Variants in RAB38 observed in about 807,000 individuals in gnomAD.
RAB38 encodes ras-related protein Rab-38.
In RAB38, 15 loss-of-function variants were observed where a neutral mutation model predicts 18.4. That is an observed-to-expected ratio of 0.82 (90% CI 0.55 to 1.26). The LOEUF is 1.26. Among genes scored for constraint, RAB38 ranks in the 50% most tolerant of loss-of-function variants. The probability of loss-of-function intolerance (pLI) is 0.00; values close to 1 mark genes in which losing one functional copy is unlikely to be tolerated. For synonymous variants in RAB38, 101 were observed against 104.4 expected, an observed-to-expected ratio of 0.97 and a Z score of 0.20; for missense variants, 294 against 267.4, an observed-to-expected ratio of 1.10 and a Z score of -0.69.
chr11:87,805,732 CACACATACATATAT>C, the RAB38 span, among the ~76,000 whole-genome samples: 2 of 145,656 alleles, frequency 1.4e-5, no homozygotes, highest in African/African-American at 2.6e-5. Flanking sequence ...CATATATACA[CACACATACATATAT>C]ACACATACAT....
chr11:88,079,453 GC>G, the RAB38 span, among the ~76,000 whole-genome samples: 2 of 151,644 alleles, frequency 1.3e-5, no homozygotes, highest in South Asian at 4.2e-4. Context: ...AACTCTTCTA[GC>G]CCAAACAAAC....
the RAB38 span, among the ~76,000 whole-genome samples, chr11:88,091,542 C>T: frequency 1.3e-5 from 2 of 152,042 alleles, no homozygotes; most frequent in African/African-American, 4.8e-5. Flanking sequence ...CTCTTGCTGT[C>T]TTGCCATCCC....
At chr11:87,805,700 T>TACATATATGTGTATACACAC in the RAB38 span, among the ~76,000 whole-genome samples, 2 of 151,772 alleles carry the variant, frequency 1.3e-5, no homozygotes, top group South Asian at 2.1e-4. Flanking sequence ...CATATACACA[T>TACATATATGTGTATACACAC]ACATATATGT....
chr11:87,838,068 T>G, the RAB38 span, among the ~76,000 whole-genome samples: 2 of 152,138 alleles, frequency 1.3e-5, no homozygotes, highest in African/African-American at 4.8e-5. Context: ...GTGCAGCACT[T>G]CCCAATAATA....
chr11:87,904,290 T>C, the RAB38 span, among the ~76,000 whole-genome samples: 2 of 151,754 alleles, frequency 1.3e-5, no homozygotes, highest in South Asian at 2.1e-4. Context: ...GGCATCTTTA[T>C]GTCTATGAGT....
chr11:88,020,386 A>G, the RAB38 span, among the ~76,000 whole-genome samples: 1 of 152,236 alleles, frequency 6.6e-6, no homozygotes, highest in African/African-American at 2.4e-5. Context: ...AAAGGAGTCA[A>G]TTCAGCAAGA....
chr11:88,109,611 C>T (rs1278558021), downstream of RAB38, among the ~76,000 whole-genome samples: 3 of 151,954 alleles, frequency 2.0e-5, no homozygotes, highest in Admixed American at 1.3e-4. Flanking sequence ...TAAATTTTTG[C>T]AATTTATCCA....
At chr11:87,931,717 T>G in the RAB38 span, among the ~76,000 whole-genome samples, 1 of 152,104 alleles carries the variant, frequency 6.6e-6, no homozygotes, top group Admixed American at 6.6e-5. Context: ...TGTGTTAAAT[T>G]AACAAGTGTA....
At chr11:87,953,082 C>G in the RAB38 span, among the ~76,000 whole-genome samples, 1 of 149,194 alleles carries the variant, frequency 6.7e-6, no homozygotes, top group Non-Finnish European at 1.5e-5. Context: ...TACACAGACT[C>G]CTGATGATCA....
the RAB38 span, among the ~76,000 whole-genome samples, chr11:87,825,255 A>C: frequency 6.6e-6 from 1 of 152,170 alleles, no homozygotes; most frequent in Admixed American, 6.5e-5. Context: ...TGAAGGAACA[A>C]ATTAAGAAAG....
chr11:87,914,635 A>T, the RAB38 span, among the ~76,000 whole-genome samples: 1 of 152,194 alleles, frequency 6.6e-6, no homozygotes, highest in East Asian at 1.9e-4. Context: ...CCAAGGGTGC[A>T]GTCAAGTGAC....
At chr11:88,125,691 T>C (rs1942686638) in intron 2 of RAB38, among the ~76,000 whole-genome samples, 1 of 152,246 alleles carries the variant, frequency 6.6e-6, no homozygotes, top group Admixed American at 6.5e-5. Flanking sequence ...TGGTAGTTTC[T>C]TTTGCTGTGC....
chr11:87,835,360 G>A, the RAB38 span, among the ~76,000 whole-genome samples: 1 of 152,104 alleles, frequency 6.6e-6, no homozygotes, highest in South Asian at 2.1e-4. Flanking sequence ...CTGGATCTCG[G>A]ATGTTGTAGC....
chr11:87,952,135 G>A, the RAB38 span, among the ~76,000 whole-genome samples: 1 of 152,110 alleles, frequency 6.6e-6, no homozygotes. Flanking sequence ...TTCCTGCCTG[G>A]CACCACAGGG....
At chr11:87,885,669 T>C in the RAB38 span, among the ~76,000 whole-genome samples, 1 of 151,976 alleles carries the variant, frequency 6.6e-6, no homozygotes, top group East Asian at 2.0e-4. Flanking sequence ...GATGTCATGA[T>C]TATCCCTCTA....
chr11:88,138,777 TC>T (rs10552077), intron 2 of RAB38, among the ~76,000 whole-genome samples: 34,384 of 118,932 alleles, frequency 0.29, 4,157 homozygotes, highest in Non-Finnish European at 0.34. Context: ...TTATTATTAT[TC>T]TTTTTTTTTT....
the RAB38 span, among the ~76,000 whole-genome samples, chr11:87,912,869 CTTTAT>C: frequency 0.089 from 12,992 of 145,480 alleles, 1,447 homozygotes; most frequent in African/African-American, 0.27. Flanking sequence ...AGGCACATCT[CTTTAT>C]TTTATTTTAT....
intron 1 of RAB38, among the ~76,000 whole-genome samples, chr11:88,170,752 C>T (rs1479606141): frequency 6.6e-6 from 1 of 151,892 alleles, no homozygotes; most frequent in Non-Finnish European, 1.5e-5. Context: ...TATTTAGAGG[C>T]ATTTGTTATT....
chr11:88,147,376 A>C (rs1427439245), intron 2 of RAB38, among the ~76,000 whole-genome samples: 1 of 152,130 alleles, frequency 6.6e-6, no homozygotes, highest in East Asian at 1.9e-4. Flanking sequence ...TTGCACTTAC[A>C]ATGTAATGTA....
Sources: allele counts gnomAD v4.1 joint callset (sites outside exome capture counted in the v4.1 genomes callset), GRCh38; gene constraint gnomAD v4.1.1; transcripts MANE v1.5; gene names NCBI Gene and HGNC (gene_info 2026-07-23, HGNC 2026-07-21).